The following CHN2 variants were observed in gnomAD, a reference collection of about 807,000 sequenced individuals.
CHN2 encodes chimerin 2.
In CHN2, 35 loss-of-function variants were observed where a neutral mutation model predicts 56.3. That is an observed-to-expected ratio of 0.62 (90% confidence interval 0.47 to 0.82). The LOEUF is 0.82. CHN2 is among the 40% of genes least tolerant of loss of function. The probability of loss-of-function intolerance (pLI) is 0.00; values close to 1 mark genes in which losing one functional copy is unlikely to be tolerated. For missense variants in CHN2, 491 were observed against 580.5 expected (o/e 0.85, Z 1.58); for synonymous variants, 210 against 212.8 (o/e 0.99, Z 0.12).
chr7:29,196,210 A>C (rs1019881679), intron 1 of CHN2, among the ~76,000 whole-genome samples: 3 of 152,210 alleles, frequency 2.0e-5, no homozygotes, highest in African/African-American at 7.2e-5. Flanking sequence ...AATTTGACTA[A>C]GGTGCAATTG....
intron 1 of CHN2, among the ~76,000 whole-genome samples, chr7:29,341,196 C>T (rs766183622): frequency 2.0e-5 from 3 of 152,294 alleles, no homozygotes; most frequent in East Asian, 3.9e-4. Flanking sequence ...CATCCTTCCC[C>T]TCTCTAGAGC....
At position 29,416,896 on chromosome 7, in the gene CHN2, C is replaced by T. The variant is rs563583656; in HGVS notation, c.576+16068C>T. Among the ~76,000 whole-genome samples the T allele has an allele frequency of 1.9e-4, 29 of 152,198 alleles. No individual in the cohort carries two copies. The East Asian group carries it at 5.4e-3, about 28-fold the overall frequency. On this transcript the variant is annotated intron_variant, in intron 6 of 12. Transcript: ENST00000222792. Reference sequence around the variant, plus strand: ...AGTGATTGCTTTGATGCGACATTTCCTCCCATTGTGGAGCTCCTTGCTGGC... The same window carrying T: ...AGTGATTGCTTTGATGCGACATTTCTTCCCATTGTGGAGCTCCTTGCTGGC...
At chr7:29,152,234 C>T (rs944516159) in intron 2 of CHN2, among the ~76,000 whole-genome samples, 30 of 152,232 alleles carry the variant, frequency 2.0e-4, no homozygotes, top group African/African-American at 6.3e-4. Flanking sequence ...TGCATAAAAC[C>T]TTATGTTGCT....
chr7:29,509,534 ACTTT>A, intron 12 of CHN2, 128 bp downstream of exon 12: 1 of 671,532 alleles, frequency 1.5e-6, no homozygotes, highest in Non-Finnish European at 2.6e-6. Context: ...CACTCCAGGC[ACTTT>A]CAGTGTATCA....
At chr7:29,180,506 C>T (rs529931387) in intron 2 of CHN2, among the ~76,000 whole-genome samples, 35 of 150,382 alleles carry the variant, frequency 2.3e-4, no homozygotes, top group Non-Finnish European at 4.6e-4. Context: ...GGCGACAGAG[C>T]GACAGAGCGA....
intron 6 of CHN2, among the ~76,000 whole-genome samples, chr7:29,479,004 G>A (rs923310153): frequency 1.3e-5 from 2 of 152,172 alleles, no homozygotes; most frequent in African/African-American, 2.4e-5. Context: ...TAGAGGACAG[G>A]ACTGCCCATC....
chr7:29,401,872 G>A (rs115619417), intron 6 of CHN2, among the ~76,000 whole-genome samples: 41 of 152,246 alleles, frequency 2.7e-4, no homozygotes, highest in African/African-American at 9.9e-4. Flanking sequence ...CCCCTTGAGG[G>A]ACCATCTGCT....
intron 2 of CHN2, among the ~76,000 whole-genome samples, chr7:29,367,345 C>T (rs998916040): frequency 5.9e-5 from 9 of 152,020 alleles, no homozygotes; most frequent in Non-Finnish European, 1.0e-4. Flanking sequence ...AGAGGAATGA[C>T]AATGGATGGG....
At chr7:29,163,680 C>G (rs908004891) in intron 2 of CHN2, among the ~76,000 whole-genome samples, 1 of 152,108 alleles carries the variant, frequency 6.6e-6, no homozygotes, top group Non-Finnish European at 1.5e-5. Flanking sequence ...CTCATTGCCC[C>G]CAAAAGTTTC....
At chr7:29,211,047 C>T (rs61699092) in intron 1 of CHN2, among the ~76,000 whole-genome samples, 13 of 116,570 alleles carry the variant, frequency 1.1e-4, no homozygotes, top group Admixed American at 1.0e-3. Flanking sequence ...CATGATCTGA[C>T]TTAGGTGTTT....
chr7:29,432,439 C>T (rs1046052886), intron 6 of CHN2, among the ~76,000 whole-genome samples: 2 of 152,138 alleles, frequency 1.3e-5, no homozygotes, highest in East Asian at 3.9e-4. Context: ...TACCCACTTC[C>T]CTCTCCCCAT....
intron 2 of CHN2, among the ~76,000 whole-genome samples, chr7:29,149,444 T>C (rs1002985624): frequency 6.6e-6 from 1 of 152,122 alleles, no homozygotes; most frequent in Admixed American, 6.5e-5. Context: ...TCCACCTGCC[T>C]TGGCCTCCCA....
chr7:29,340,457 G>T (rs1410859029), intron 1 of CHN2, among the ~76,000 whole-genome samples: 5 of 152,136 alleles, frequency 3.3e-5, no homozygotes, highest in African/African-American at 9.7e-5. Flanking sequence ...TTGCAGAGCA[G>T]GTCCAGGCTG....
At chr7:29,186,440 C>G (rs1798726732) in intron 2 of CHN2, 1 of 152,052 alleles carries the variant, frequency 6.6e-6, no homozygotes, top group South Asian at 2.1e-4. Flanking sequence ...AAAAAGCAGC[C>G]ACGTGCCTGT....
intron 4 of CHN2, among the ~76,000 whole-genome samples, chr7:29,394,543 C>T (rs1005699982): frequency 9.2e-5 from 14 of 152,210 alleles, no homozygotes; most frequent in Non-Finnish European, 5.9e-5. Flanking sequence ...GTCCCAGCCC[C>T]GTGCACCTTC....
intron 6 of CHN2, among the ~76,000 whole-genome samples, chr7:29,453,933 C>T (rs1784572577): frequency 6.6e-6 from 1 of 152,178 alleles, no homozygotes; most frequent in Non-Finnish European, 1.5e-5. Flanking sequence ...CTCATCCTTT[C>T]ATCCTGACTT....
intron 1 of CHN2, among the ~76,000 whole-genome samples, chr7:29,301,342 T>TACACACACACAC (rs10570363): frequency 1.6e-4 from 22 of 141,600 alleles, no homozygotes; most frequent in African/African-American, 5.0e-4. Flanking sequence ...CTCAAACAGG[T>TACACACACACAC]ACACACACAC....
chr7:29,380,436 A>G (rs1259357126), intron 3 of CHN2, among the ~76,000 whole-genome samples: 1 of 152,234 alleles, frequency 6.6e-6, no homozygotes, highest in African/African-American at 2.4e-5. Flanking sequence ...AGGGAGCTAT[A>G]ATGCAAAAAC....
At chr7:29,337,301 A>C (rs1562527632) in intron 1 of CHN2, among the ~76,000 whole-genome samples, 1 of 152,124 alleles carries the variant, frequency 6.6e-6, no homozygotes, top group African/African-American at 2.4e-5. Context: ...ACTATTAAGG[A>C]AAGGTTTGTT....
Sources: allele counts gnomAD v4.1 joint callset (sites outside exome capture counted in the v4.1 genomes callset), GRCh38; gene constraint gnomAD v4.1.1; transcripts MANE v1.5; gene names NCBI Gene and HGNC (gene_info 2026-07-23, HGNC 2026-07-21).